FRMD5: variants seen among roughly 807,000 people sequenced by gnomAD.
The protein encoded by FRMD5 is FERM domain containing 5.
FRMD5 carries 20 observed loss-of-function variants against 69.0 expected under a neutral mutation model. That is an observed-to-expected ratio of 0.29 (90% CI 0.20 to 0.42). The LOEUF (loss-of-function observed/expected upper bound fraction) is 0.42. FRMD5 is among the 10% of genes least tolerant of loss of function. The pLI is 1.00. For missense variants in FRMD5, 595 were observed against 708.6 expected, an observed-to-expected ratio of 0.84 and a Z score of 1.82; for synonymous variants, 271 against 260.1, an observed-to-expected ratio of 1.04 and a Z score of -0.40.
intron 1 of FRMD5, among the ~76,000 whole-genome samples, chr15:44,007,369 T>C (rs1267009967): frequency 6.6e-6 from 1 of 152,256 alleles, no homozygotes; most frequent in African/African-American, 2.4e-5. Flanking sequence ...TTCTGCAATA[T>C]CTCCAAGGTA....
chr15:43,903,716 G>C (rs1243966753), intron 6 of FRMD5, among the ~76,000 whole-genome samples: 1 of 152,198 alleles, frequency 6.6e-6, no homozygotes, highest in African/African-American at 2.4e-5. Context: ...CTGTCTGCAG[G>C]GGGAGTGGGC....
At chr15:43,913,867 C>T (rs548275880) in intron 4 of FRMD5, among the ~76,000 whole-genome samples, 1 of 152,282 alleles carries the variant, frequency 6.6e-6, no homozygotes, top group East Asian at 1.9e-4. Flanking sequence ...GTCAGGAGGA[C>T]CCTTTGTTAT....
Position 43,888,228 on chromosome 15 carries a change from A to C in FRMD5, c.831T>G (p.Pro277=), listed in dbSNP as rs1296951037. 2 of 1,613,986 alleles carry C rather than the reference A, an allele frequency of 1.2e-6. No individual in the cohort carries two copies. Among genetic ancestry groups the C allele is most frequent in the African/African-American group, 2.7e-5 (2 of 74,934 alleles). Residue 277 remains proline (P), a synonymous_variant, in exon 10 of 14, where the codon CCT becomes CCG. Coordinates refer to ENST00000417257, the MANE Select transcript of FRMD5 (RefSeq NM_032892.5). The part of the protein sequence containing the change: ...KIILTYFAPT[P]EACKHLWKCG... Reference sequence around the variant, plus strand: ...ATTTCCAGAGGTGCTTACACGCTTCAGGAGTTGGAGCAAAATATGTAAGAA... The same window carrying C: ...ATTTCCAGAGGTGCTTACACGCTTCCGGAGTTGGAGCAAAATATGTAAGAA...
intron 1 of FRMD5, among the ~76,000 whole-genome samples, chr15:44,137,671 T>C (rs1174837773): frequency 1.3e-5 from 2 of 152,102 alleles, no homozygotes; most frequent in Non-Finnish European, 2.9e-5. Context: ...CAATAAATTA[T>C]ATGATTATAT....
upstream of FRMD5, among the ~76,000 whole-genome samples, chr15:44,196,745 TCTCTCTTTC>T (rs2078306979): frequency 1.7e-4 from 19 of 114,376 alleles, no homozygotes; most frequent in South Asian, 1.7e-3. Context: ...TCTCTCTCTC[TCTCTCTTTC>T]TCTCTCTCTC....
intron 1 of FRMD5, among the ~76,000 whole-genome samples, chr15:44,155,674 A>G (rs2077515647): frequency 6.6e-6 from 1 of 150,706 alleles, no homozygotes; most frequent in Non-Finnish European, 1.5e-5. Context: ...GCTCACTGCA[A>G]CCTCCACCTC....
rs1027629953 is a variant in FRMD5 at position 44,195,245 on chromosome 15, C to G, written c.-191G>C. 4 of 538,598 alleles carry G rather than the reference C, an allele frequency of 7.4e-6. No individual in the cohort carries two copies. The highest frequency in any genetic ancestry group is 1.3e-5 in the Non-Finnish European group (4 of 308,684). The allele number at this position is 538,598 out of a possible 1,614,324, so 33.4% of individuals were successfully genotyped here. On this transcript the variant is annotated 5_prime_UTR_variant, in exon 1 of 14. Coordinates refer to ENST00000417257, the MANE Select transcript of FRMD5 (RefSeq NM_032892.5). ...CTTCCCTCAGCCGCCACCGCCTCCC[C>G]CCAGCCCAGATCAAGCGCCGGGCTC... is the stretch of plus-strand genomic sequence containing the variant.
chr15:44,117,991 C>CTTTTTTTTTTTTTTTTTTTTTT (rs747747488), intron 1 of FRMD5, among the ~76,000 whole-genome samples: 69 of 92,602 alleles, frequency 7.5e-4, no homozygotes, highest in African/African-American at 1.8e-3. Flanking sequence ...TTCTTTTTTA[C>CTTTTTTTTTTTTTTTTTTTTTT]TTTTTTTTTT....
At chr15:43,995,752 G>A (rs1889890059) in intron 1 of FRMD5, among the ~76,000 whole-genome samples, 2 of 152,080 alleles carry the variant, frequency 1.3e-5, no homozygotes, top group Admixed American at 6.5e-5. Flanking sequence ...TGAAGACTGG[G>A]TCCATGGGGA....
At chr15:43,955,626 A>G (rs2090102731) in intron 1 of FRMD5, among the ~76,000 whole-genome samples, 2 of 142,562 alleles carry the variant, frequency 1.4e-5, no homozygotes, top group African/African-American at 5.2e-5. Context: ...TCAGCAAACC[A>G]TCAAACCTGA....
At chr15:44,071,688 G>A (rs977002926) in intron 1 of FRMD5, among the ~76,000 whole-genome samples, 9 of 152,090 alleles carry the variant, frequency 5.9e-5, no homozygotes, top group African/African-American at 2.2e-4. Context: ...GTTTATTTAT[G>A]GTTAATGTAC....
At chr15:44,042,863 G>C (rs964888346) in intron 1 of FRMD5, among the ~76,000 whole-genome samples, 1 of 152,166 alleles carries the variant, frequency 6.6e-6, no homozygotes, top group African/African-American at 2.4e-5. Flanking sequence ...TTTGAAAACC[G>C]GCACAAGACA....
intron 1 of FRMD5, among the ~76,000 whole-genome samples, chr15:44,036,493 C>T (rs537468499): frequency 6.6e-6 from 1 of 152,204 alleles, no homozygotes; most frequent in African/African-American, 2.4e-5. Context: ...AATTCTCATA[C>T]TGCTATTTGC....
At chr15:44,047,829 C>T (rs997590012) in intron 1 of FRMD5, among the ~76,000 whole-genome samples, 3 of 152,126 alleles carry the variant, frequency 2.0e-5, no homozygotes, top group African/African-American at 7.2e-5. Flanking sequence ...CGACTTGTGG[C>T]CCTTTGGGTT....
intron 1 of FRMD5, among the ~76,000 whole-genome samples, chr15:44,069,739 C>G (rs1362610946): frequency 6.6e-6 from 1 of 152,086 alleles, no homozygotes; most frequent in African/African-American, 2.4e-5. Flanking sequence ...TGACTGCAAG[C>G]ATCATTGTCA....
chr15:44,065,787 A>T (rs367753788), intron 1 of FRMD5, among the ~76,000 whole-genome samples: 4 of 152,334 alleles, frequency 2.6e-5, no homozygotes, highest in African/African-American at 9.6e-5. Flanking sequence ...ACTTATATGC[A>T]GTGCTTTAGA....
intron 1 of FRMD5, among the ~76,000 whole-genome samples, chr15:44,017,074 C>A (rs1890996189): frequency 6.6e-6 from 1 of 151,934 alleles, no homozygotes; most frequent in African/African-American, 2.4e-5. Flanking sequence ...TGCGGTGGCT[C>A]ACACCTGTAA....
At position 43,927,731 on chromosome 15, in the gene FRMD5, C is replaced by CT. The variant is rs879431059; in HGVS notation, c.103-3423dup. Among the ~76,000 whole-genome samples the CT allele has an allele frequency of 1.2e-3, 174 of 140,690 alleles. 1 individual carries two copies. Among genetic ancestry groups the CT allele is most frequent in the Non-Finnish European group, 1.5e-3 (95 of 64,158 alleles). The allele number at this position is 140,690 out of a possible 152,430, so 92.3% of individuals were successfully genotyped here. ...GCTTTTACATTGTGATCAGCTGGTG[C>CT]TTTTTTTTTTTTAATGAAAAAATGT... On this transcript the variant is annotated intron_variant, in intron 1 of 13. Coordinates refer to ENST00000417257, the MANE Select transcript of FRMD5 (RefSeq NM_032892.5).
rs552506153 is a variant in FRMD5, at chr15:44,022,579, C to A, written c.103-98270G>T. Among the ~76,000 whole-genome samples the A allele has an allele frequency of 8.8e-3, 638 of 72,586 alleles. 9 individuals are homozygous for A. The highest frequency in any genetic ancestry group is 0.028 in the African/African-American group (606 of 21,842). The allele number at this position is 72,586 out of a possible 152,430, so 47.6% of individuals were successfully genotyped here. ...ACAGAGCAAGACTCTGTCCCCACTC[C>A]ACCAGAAAAAAAAAAAAAAAAAAAA... On this transcript the variant is annotated intron_variant, in intron 1 of 13. Coordinates refer to ENST00000417257, the MANE Select transcript of FRMD5 (RefSeq NM_032892.5).
Sources: allele counts gnomAD v4.1 joint callset (sites outside exome capture counted in the v4.1 genomes callset), GRCh38; gene constraint gnomAD v4.1.1; transcripts MANE v1.5; gene names NCBI Gene and HGNC (gene_info 2026-07-23, HGNC 2026-07-21).